The following BCL2L11 variants were observed in gnomAD, a reference collection of about 807,000 sequenced individuals.
The protein encoded by BCL2L11 is bcl-2-like protein 11.
Under a neutral mutation model 20.6 loss-of-function variants are expected in BCL2L11, and 15 were observed. That is an observed-to-expected ratio of 0.73 (90% CI 0.49 to 1.12). The LOEUF is 1.12. Among genes scored for constraint, BCL2L11 ranks in the 50% most tolerant of loss-of-function variants. The probability of loss-of-function intolerance (pLI) is 0.00; values close to 1 mark genes in which losing one functional copy is unlikely to be tolerated. For synonymous variants in BCL2L11, 108 were observed against 92.8 expected (o/e 1.16, Z -0.94); for missense variants, 292 against 260.9 (o/e 1.12, Z -0.82).
intron 3 of BCL2L11, among the ~76,000 whole-genome samples, chr2:111,159,169 G>A (rs1313501431): frequency 2.6e-5 from 4 of 152,230 alleles, no homozygotes; most frequent in Non-Finnish European, 5.9e-5. Flanking sequence ...CACAGGGTGT[G>A]CGAGGAGGGA....
At chr2:111,130,158 G>C in intron 2 of BCL2L11, 1 of 367,908 alleles carries the variant, frequency 2.7e-6, no homozygotes, top group Non-Finnish European at 5.3e-6. Flanking sequence ...AGGCTGGAGT[G>C]CACTGGTGCG....
chr2:111,150,480 T>C (rs1323778126), intron 3 of BCL2L11, among the ~76,000 whole-genome samples: 1 of 152,238 alleles, frequency 6.6e-6, no homozygotes, highest in Non-Finnish European at 1.5e-5. Flanking sequence ...TGTGTTTCTG[T>C]ACTCCCCTTG....
At chr2:111,135,651 A>G (rs1248482543) in intron 2 of BCL2L11, among the ~76,000 whole-genome samples, 2 of 152,094 alleles carry the variant, frequency 1.3e-5, no homozygotes, top group Non-Finnish European at 2.9e-5. Context: ...AATTAGCCAG[A>G]TGGGGCGAAG....
chr2:111,153,803 G>T, intron 3 of BCL2L11: 3 of 1,552,162 alleles, frequency 1.9e-6, no homozygotes, highest in Non-Finnish European at 1.7e-6. Context: ...GGAAGTTGTC[G>T]TGTAGTTGTC....
intron 2 of BCL2L11, among the ~76,000 whole-genome samples, chr2:111,135,775 A>G (rs2074768248): frequency 6.6e-6 from 1 of 152,162 alleles, no homozygotes. Context: ...TGTCATGTCA[A>G]CTAACTAACC....
chr2:111,143,212 G>T (rs1299915337), intron 2 of BCL2L11, among the ~76,000 whole-genome samples: 4 of 152,188 alleles, frequency 2.6e-5, no homozygotes, highest in Admixed American at 1.3e-4. Context: ...TAGGATGAAG[G>T]TTGGTGTAGA....
At position 111,167,235 on chromosome 2, in the gene BCL2L11, T is replaced by C. The variant is rs1045001857; in HGVS notation, c.*3004T>C. 6.6e-5 allele frequency: 10 copies of C among 152,290 alleles called. No individual in the cohort carries two copies. Among genetic ancestry groups the C allele is most frequent in the African/African-American group, 2.4e-4 (10 of 41,448 alleles). 9.4% of individuals were successfully genotyped at this position (152,290 alleles called of 1,614,324 possible). On this transcript the variant is annotated 3_prime_UTR_variant, in exon 4 of 4. Coordinates refer to ENST00000393256, the MANE Select transcript of BCL2L11 (RefSeq NM_138621.5). Reference sequence around the variant, plus strand: ...GAGCTCATTGCAGACCACGTGGTCCTCCAGGGTGGCTCTCCACCTTCGGGT... The same window carrying C: ...GAGCTCATTGCAGACCACGTGGTCCCCCAGGGTGGCTCTCCACCTTCGGGT...
chr2:111,154,424 C>T (rs10193096), intron 3 of BCL2L11, among the ~76,000 whole-genome samples: 2,679 of 151,568 alleles, frequency 0.018, 78 homozygotes, highest in African/African-American at 0.061. Context: ...ATTGAATTCA[C>T]GTGTTTTACC....
At chr2:111,162,503 T>C (rs766377673) in intron 3 of BCL2L11, among the ~76,000 whole-genome samples, 8 of 152,242 alleles carry the variant, frequency 5.3e-5, no homozygotes, top group Non-Finnish European at 1.0e-4. Flanking sequence ...TGACTTCTAC[T>C]TAAGCTTGGT....
intron 2 of BCL2L11, chr2:111,146,137 C>G (rs1367278016): frequency 1.0e-6 from 1 of 985,000 alleles, no homozygotes. Context: ...TTCATAAATG[C>G]TGAAACTACA....
At position 111,160,304 on chromosome 2, in the gene BCL2L11, C is replaced by A. The variant is rs1034940372; in HGVS notation, c.499-3829C>A. 4.5e-4 allele frequency among the ~76,000 whole-genome samples: 69 copies of A among 152,198 alleles called. 4 individuals carry two copies. The highest frequency in any genetic ancestry group is 1.6e-4 in the Non-Finnish European group (11 of 68,046). ...TTTTTCCCTCTCATTTTATTTGCCT[C>A]TGTATTGTCCTTACTTTATTATCTT... is the stretch of plus-strand genomic sequence containing the variant. On this transcript the variant is annotated intron_variant, in intron 3 of 3. Transcript: ENST00000393256.
chr2:111,159,252 T>A (rs1259423179), intron 3 of BCL2L11, among the ~76,000 whole-genome samples: 4 of 152,160 alleles, frequency 2.6e-5, no homozygotes, highest in African/African-American at 9.7e-5. Context: ...GGGCCAAGAG[T>A]ACCCATCCTG....
At chr2:111,158,325 A>AC (rs1348258157) in intron 3 of BCL2L11, among the ~76,000 whole-genome samples, 2 of 152,088 alleles carry the variant, frequency 1.3e-5, no homozygotes, top group East Asian at 3.9e-4. Context: ...TCCATGTCCC[A>AC]CCCTGCCACC....
intron 2 of BCL2L11, chr2:111,146,020 C>G: frequency 1.0e-6 from 1 of 980,726 alleles, no homozygotes; most frequent in South Asian, 4.7e-5. Context: ...AGGATTGGAG[C>G]TTTTGCTGCA....
chr2:111,126,596 A>G (rs2072673741), intron 2 of BCL2L11, among the ~76,000 whole-genome samples: 1 of 152,136 alleles, frequency 6.6e-6, no homozygotes, highest in Non-Finnish European at 1.5e-5. Context: ...TAAAATTTAC[A>G]ATTTATGTAG....
chr2:111,149,791 G>T (rs2077021482), intron 2 of BCL2L11, among the ~76,000 whole-genome samples: 1 of 152,198 alleles, frequency 6.6e-6, no homozygotes, highest in African/African-American at 2.4e-5. Context: ...AATGTTTTCA[G>T]TTCTTGCAAT....
intron 2 of BCL2L11, among the ~76,000 whole-genome samples, chr2:111,134,716 T>A (rs1574992437): frequency 1.3e-5 from 2 of 152,182 alleles, no homozygotes; most frequent in East Asian, 1.9e-4. Flanking sequence ...TAGTAACAAC[T>A]CCTCTGAGTT....
rs938845269 is a variant in BCL2L11 at position 111,166,490 on chromosome 2, T to C, written c.*2259T>C. ...AAGCGATGACTGGATGTCTCTGTAC[T>C]GTATGTATCTGGTTATCAAGATGCC... is the stretch of plus-strand genomic sequence containing the variant. On this transcript the variant is annotated 3_prime_UTR_variant, in exon 4 of 4. Transcript: ENST00000393256. 6 of 152,828 alleles carry C rather than the reference T, an allele frequency of 3.9e-5. No homozygotes were observed. The Middle Eastern group carries it at 0.01, about 260-fold the overall frequency. The allele number at this position is 152,828 out of a possible 1,614,324, so 9.5% of individuals were successfully genotyped here.
chr2:111,132,480 T>C (rs1230125440), intron 2 of BCL2L11, among the ~76,000 whole-genome samples: 2 of 152,214 alleles, frequency 1.3e-5, no homozygotes, highest in Non-Finnish European at 2.9e-5. Flanking sequence ...CACATTTTTT[T>C]CTCCAGTTTC....
Sources: gnomAD v4.1 joint callset for allele counts (sites outside exome capture counted in the v4.1 genomes callset) on GRCh38, gnomAD v4.1.1 for gene constraint, MANE v1.5 for transcripts, NCBI Gene and HGNC (gene_info 2026-07-23, HGNC 2026-07-21) for gene names.